The following NEDD4 variants were observed in gnomAD, a reference collection of about 807,000 sequenced individuals.
The protein encoded by NEDD4 is NEDD4 E3 ubiquitin protein ligase, also known as E3 ubiquitin-protein ligase NEDD4.
In NEDD4, 99 loss-of-function variants were observed where a neutral mutation model predicts 144.9. That is an observed-to-expected ratio of 0.68 (90% CI 0.58 to 0.81). NEDD4 has a LOEUF of 0.81. NEDD4 is among the 30% of genes least tolerant of loss of function. NEDD4 has a pLI of 0.00. For synonymous variants in NEDD4, 318 were observed against 350.6 expected, an observed-to-expected ratio of 0.91 and a Z score of 1.04; for missense variants, 985 against 1,065.9, an observed-to-expected ratio of 0.92 and a Z score of 1.06.
intron 4 of NEDD4, among the ~76,000 whole-genome samples, chr15:55,950,514 G>A (rs1404668499): frequency 6.6e-6 from 1 of 152,208 alleles, no homozygotes; most frequent in Non-Finnish European, 1.5e-5. Context: ...TGGTGTTTCA[G>A]GAATGATCTG....
chr15:55,887,344 C>A (rs561852276), intron 5 of NEDD4, among the ~76,000 whole-genome samples: 1 of 152,130 alleles, frequency 6.6e-6, no homozygotes, highest in African/African-American at 2.4e-5. Context: ...ATCAAAGGAT[C>A]ATTAGAGATT....
intron 1 of NEDD4, among the ~76,000 whole-genome samples, chr15:55,986,907 T>C (rs550225071): frequency 2.6e-5 from 4 of 152,244 alleles, no homozygotes; most frequent in East Asian, 3.9e-4. Context: ...GGCCTGTCCT[T>C]CTTAAAACTG....
intron 12 of NEDD4, among the ~76,000 whole-genome samples, chr15:55,853,747 T>G (rs948228480): frequency 3.0e-4 from 45 of 152,220 alleles, no homozygotes; most frequent in Non-Finnish European, 2.6e-4. Context: ...CCAGCACTTT[T>G]GGGGGCTGAG....
chr15:55,941,950 G>C (rs1451803972), intron 4 of NEDD4, among the ~76,000 whole-genome samples: 1 of 152,056 alleles, frequency 6.6e-6, no homozygotes, highest in Non-Finnish European at 1.5e-5. Flanking sequence ...CTTGGTAAAT[G>C]TTCCATGGGC....
In NEDD4 at chr15:55,845,466, T is replaced by G. The variant is rs529184623; in HGVS notation, c.1608+1503A>C. Among the ~76,000 whole-genome samples, 267 of 152,298 alleles carry G rather than the reference T, an allele frequency of 1.8e-3. 1 individual carries two copies. Among genetic ancestry groups the G allele is most frequent in the Non-Finnish European group, 3.1e-3 (214 of 68,012 alleles). The stretch of plus-strand genomic sequence containing the variant: ...CATTAAATGAATAACATATGTAAAC[T>G]TCTAAGAAGAACGCCTGGTATGCAA... On this transcript the variant is annotated intron_variant, in intron 18 of 28. Coordinates refer to ENST00000435532, the MANE Select transcript of NEDD4 (RefSeq NM_006154.4).
rs1340774997 is a variant in NEDD4, at chr15:55,924,555, C to T, written c.291+91G>A. The T allele has an allele frequency of 6.9e-6, 8 of 1,158,808 alleles. No individual in the cohort carries two copies. In the East Asian group the frequency reaches 1.3e-4, roughly 19 times the overall value. 71.8% of individuals were successfully genotyped at this position (1,158,808 alleles called of 1,614,324 possible). A position where few individuals can be genotyped will look rare whatever the true frequency, so the allele number is the denominator to read the frequency against. On this transcript the variant is annotated intron_variant, in intron 5 of 28. Coordinates refer to ENST00000435532, the MANE Select transcript of NEDD4 (RefSeq NM_006154.4). ...CTCCATAACCACCCCCAAGCCATCA[C>T]TCAAATCCCAGACTGCTTACCCACT... is the stretch of plus-strand genomic sequence containing the variant.
At position 55,850,496 on chromosome 15, in the gene NEDD4, A is replaced by T. The variant is rs199950548; in HGVS notation, c.1347+46T>A. On this transcript the variant is annotated intron_variant, in intron 14 of 28. Transcript: ENST00000435532. ...GATTTTAAGGAACTATACATAAGAG[A>T]TGATTATTGTTGTTATAAATTTAAA... 1.3e-3 allele frequency: 2,001 copies of T among 1,561,988 alleles called. 20 individuals are homozygous for T. Among genetic ancestry groups the T allele is most frequent in the Middle Eastern group, 0.012 (65 of 5,208 alleles).
intron 27 of NEDD4, among the ~76,000 whole-genome samples, chr15:55,830,914 C>T (rs1439316692): frequency 6.6e-6 from 1 of 152,030 alleles, no homozygotes; most frequent in African/African-American, 2.4e-5. Flanking sequence ...ACTATGTTGC[C>T]CAGGCTGGTC....
At chr15:55,949,497 C>G (rs2142296461) in intron 4 of NEDD4, among the ~76,000 whole-genome samples, 1 of 152,326 alleles carries the variant, frequency 6.6e-6, no homozygotes, top group South Asian at 2.1e-4. Context: ...AAGACACATG[C>G]ATACATATGT....
intron 1 of NEDD4, among the ~76,000 whole-genome samples, chr15:55,988,486 T>TAAAAAAAAAAAAAA (rs1491422042): frequency 9.1e-5 from 3 of 32,880 alleles, no homozygotes; most frequent in East Asian, 6.1e-4. Flanking sequence ...AAAAAAAAAA[T>TAAAAAAAAAAAAAA]TAAAAAAAAA....
At chr15:55,895,134 A>T (rs2142134953) in intron 5 of NEDD4, among the ~76,000 whole-genome samples, 1 of 152,320 alleles carries the variant, frequency 6.6e-6, no homozygotes, top group East Asian at 1.9e-4. Context: ...TAAAATGGAT[A>T]AAGCTCTTCC....
At position 55,833,123 on chromosome 15, in the gene NEDD4, T is replaced by G; in HGVS notation, c.2431-19A>C. ...AAACAGCCTGAATAAGATAAAAACATCATTTAGGGAACAGCACTGGGAAAG... is the reference window on the plus strand; with the variant it reads ...AAACAGCCTGAATAAGATAAAAACAGCATTTAGGGAACAGCACTGGGAAAG... On this transcript the variant is annotated intron_variant, in intron 26 of 28. Coordinates refer to ENST00000435532, the MANE Select transcript of NEDD4 (RefSeq NM_006154.4). 1 of 1,510,182 alleles carries G rather than the reference T, an allele frequency of 6.6e-7. No individual in the cohort carries two copies. Among genetic ancestry groups the G allele is most frequent in the South Asian group, 1.1e-5 (1 of 88,832 alleles). 93.5% of individuals were successfully genotyped at this position (1,510,182 alleles called of 1,614,324 possible).
chr15:55,861,097 C>T (rs955892440), intron 9 of NEDD4, among the ~76,000 whole-genome samples: 11 of 152,050 alleles, frequency 7.2e-5, no homozygotes, highest in Non-Finnish European at 1.5e-4. Flanking sequence ...AATATCAGAG[C>T]GCTTCATAGA....
At chr15:55,859,025 G>T (rs541190632) in intron 11 of NEDD4, among the ~76,000 whole-genome samples, 1 of 152,324 alleles carries the variant, frequency 6.6e-6, no homozygotes, top group Middle Eastern at 3.4e-3. Flanking sequence ...TCCCATGAAG[G>T]CAGGAGATAT....
chr15:55,857,157 A>G (rs1247259130), intron 11 of NEDD4, among the ~76,000 whole-genome samples: 2 of 152,214 alleles, frequency 1.3e-5, no homozygotes, highest in East Asian at 1.9e-4. Context: ...ATCATCTACA[A>G]ATATATGTGT....
At chr15:55,855,423 G>A (rs750712799) in intron 12 of NEDD4, among the ~76,000 whole-genome samples, 7 of 152,150 alleles carry the variant, frequency 4.6e-5, no homozygotes, top group Non-Finnish European at 1.0e-4. Context: ...CAGGAATGAA[G>A]GCAGCAGGAG....
rs570968301 is a variant in NEDD4, at chr15:55,924,321, G to T, written c.291+325C>A. 2.2e-5 allele frequency: 5 copies of T among 230,362 alleles called. No individual in the cohort carries two copies. In the South Asian group the frequency reaches 5.0e-4, roughly 23 times the overall value. The allele number at this position is 230,362 out of a possible 1,614,324, so 14.3% of individuals were successfully genotyped here. A position where few individuals can be genotyped will look rare whatever the true frequency, so the allele number is the denominator to read the frequency against. Reference sequence around the variant, plus strand: ...ACCCTGGGAAGATTCCCAGAGCCATGGAGTAGGAACCAGGGGTCATGGGCG... The same window carrying T: ...ACCCTGGGAAGATTCCCAGAGCCATTGAGTAGGAACCAGGGGTCATGGGCG... On this transcript the variant is annotated intron_variant, in intron 5 of 28. Transcript: ENST00000435532.
intron 8 of NEDD4, among the ~76,000 whole-genome samples, chr15:55,864,096 T>C (rs1020726928): frequency 2.6e-5 from 4 of 152,096 alleles, no homozygotes; most frequent in African/African-American, 7.2e-5. Flanking sequence ...AAGTAAGGAA[T>C]TGATAGAAAA....
rs762616952 is a variant in NEDD4, at chr15:55,899,488, T to C, written c.291+25158A>G. ...AAAACAGGAAAAACGGGGATGTGGGTTACTGTTGCTTAAGAAAATAACTCA... is the reference window on the plus strand; with the variant it reads ...AAAACAGGAAAAACGGGGATGTGGGCTACTGTTGCTTAAGAAAATAACTCA... On this transcript the variant is annotated intron_variant, in intron 5 of 28. Transcript: ENST00000435532. Among the ~76,000 whole-genome samples the C allele has an allele frequency of 4.4e-4, 67 of 152,180 alleles. 1 individual carries two copies. The highest frequency in any genetic ancestry group is 8.2e-4 in the Non-Finnish European group (56 of 68,032).
Sources: allele counts gnomAD v4.1 joint callset (sites outside exome capture counted in the v4.1 genomes callset), GRCh38; gene constraint gnomAD v4.1.1; transcripts MANE v1.5; gene names NCBI Gene and HGNC (gene_info 2026-07-23, HGNC 2026-07-21).